The following PHF10 variants were observed in gnomAD, a reference collection of about 807,000 sequenced individuals.
PHF10 encodes BRG1-associated factor 45a.
In PHF10, 51 loss-of-function variants were observed where a neutral mutation model predicts 68.5. That is an observed-to-expected ratio of 0.74 (90% confidence interval 0.59 to 0.94). PHF10 has a LOEUF of 0.94. PHF10 is among the 40% of genes least tolerant of loss of function. PHF10 has a pLI of 0.00. For missense variants in PHF10, 460 were observed against 602.6 expected (o/e 0.76, Z 2.48); for synonymous variants, 204 against 203.5 (o/e 1.00, Z -0.02).
chr6:169,716,112 A>G, intron 4 of PHF10, 24 bp from the exon 5 acceptor site: 1 of 1,502,920 alleles, frequency 6.7e-7, no homozygotes, highest in Non-Finnish European at 9.0e-7. Flanking sequence ...AAAAATAAAA[A>G]AATAAAGAAG....
Position 169,723,898 on chromosome 6 carries a change from A to G in PHF10, c.34T>C (p.Ser12Pro). Residue 12 changes from serine to proline, a missense_variant, in exon 1 of 12, where the codon TCC becomes CCC. Transcript: ENST00000339209. ...GGGTCGCTGTCGCACGGCCGCGGGG[A>G]CAGCGCAGCCCCGGGCCCGGCCGCC... ...AAAAGPGAAL[S>P]PRPCDSDPAT... 1 of 1,078,698 alleles carries G rather than the reference A, an allele frequency of 9.3e-7. No individual in the cohort carries two copies. The highest frequency in any genetic ancestry group is 1.1e-6 in the Non-Finnish European group (1 of 887,708). The allele number at this position is 1,078,698 out of a possible 1,614,324, so 66.8% of individuals were successfully genotyped here. A position where few individuals can be genotyped will look rare whatever the true frequency, so the allele number is the denominator to read the frequency against.
rs148936707 is a variant in PHF10 at position 169,715,591 on chromosome 6, C to A, written c.693+117G>T. ...AAACAAAACAAAACAAACAAACAAA[C>A]AAAAAAAACACACACACATAGGTGG... On this transcript the variant is annotated intron_variant, in intron 6 of 11. Transcript: ENST00000339209. 495 of 909,570 alleles carry A rather than the reference C, an allele frequency of 5.4e-4. 2 individuals carry two copies. The highest frequency in any genetic ancestry group is 5.0e-3 in the African/African-American group (301 of 59,826). The allele number at this position is 909,570 out of a possible 1,614,324, so 56.3% of individuals were successfully genotyped here. A position where few individuals can be genotyped will look rare whatever the true frequency, so the allele number is the denominator to read the frequency against.
At chr6:169,717,323 C>G (rs2128330758) in intron 4 of PHF10, among the ~76,000 whole-genome samples, 1 of 152,298 alleles carries the variant, frequency 6.6e-6, no homozygotes, top group East Asian at 1.9e-4. Flanking sequence ...AATGGGGTTA[C>G]ATATGATAAA....
At chr6:169,712,825 C>A (rs953599990) in intron 7 of PHF10, among the ~76,000 whole-genome samples, 2 of 152,176 alleles carry the variant, frequency 1.3e-5, no homozygotes, top group Non-Finnish European at 2.9e-5. Context: ...ATGTCAGCAG[C>A]CCCAAGTCTG....
rs766656353 is a variant in PHF10, at chr6:169,710,332, A to G, written c.1017T>C (p.Ser339=). 1.3e-5 allele frequency: 21 copies of G among 1,612,300 alleles called. No homozygotes were observed. In the East Asian group the frequency reaches 4.2e-4, roughly 33 times the overall value. Residue 339 remains serine, a synonymous_variant, in exon 9 of 12, where the codon TCT becomes TCC. Transcript: ENST00000339209. The part of the protein sequence containing the change: ...GESPPDSQED[S]FQGRQKSKDK... ...CTTTTGATTTCTGTCTTCCCTGGAA[A>G]GAGTCCTCCTGGCTGTCAGGAGGGC...
rs1180485293 is a variant in PHF10, at chr6:169,717,868, A to G, written c.364T>C (p.Tyr122His). The change falls in exon 4 of 12, where the codon TAC (tyrosine) becomes CAC (histidine). Residue 122 changes from tyrosine to histidine, a missense_variant. Physicochemically the swap from Tyr to His is moderately conservative, Grantham distance 83. Transcript: ENST00000339209. ...RRDLSHKEKLYLRELNVITET... is the reference protein window; with the variant it reads ...RRDLSHKEKLHLRELNVITET... ...GTAATGACATTTAGCTCTCTCAGGT[A>G]GAGTTTCTCCTTGTGAGACAAATCT... 1 of 1,574,528 alleles carries G rather than the reference A, an allele frequency of 6.4e-7. No individual in the cohort carries two copies. The highest frequency in any genetic ancestry group is 1.2e-5 in the South Asian group (1 of 86,822).
Position 169,710,542 on chromosome 6 carries a change from C to T in PHF10, c.958-151G>A, listed in dbSNP as rs184410055. On this transcript the variant is annotated intron_variant, in intron 8 of 11. Coordinates refer to ENST00000339209, the MANE Select transcript of PHF10 (RefSeq NM_018288.4). ...CATTCTAAATGTAAGAAAGCTTTTT[C>T]CAGTGGAGACTAAAGTAAGTTATGT... The T allele has an allele frequency of 5.5e-4, 358 of 647,318 alleles. 1 individual carries two copies. Among genetic ancestry groups the T allele is most frequent in the Middle Eastern group, 3.2e-3 (8 of 2,468 alleles). 40.1% of individuals were successfully genotyped at this position (647,318 alleles called of 1,614,324 possible).
At chr6:169,705,521 ACT>A (rs1195247898) in intron 10 of PHF10, 93 bp downstream of exon 10, 5 of 801,300 alleles carry the variant, frequency 6.2e-6, no homozygotes, top group African/African-American at 5.1e-5. Flanking sequence ...TAATTTGGTG[ACT>A]CTTTGGTTGA....
chr6:169,706,032 G>A (rs1269612645), intron 9 of PHF10, among the ~76,000 whole-genome samples: 1 of 152,126 alleles, frequency 6.6e-6, no homozygotes, highest in African/African-American at 2.4e-5. Flanking sequence ...AATGTCAAAT[G>A]TCACTATTAA....
chr6:169,712,334 CA>C (rs1330198628), intron 8 of PHF10, 51 bp downstream of exon 8: 5 of 1,506,688 alleles, frequency 3.3e-6, no homozygotes, highest in Non-Finnish European at 4.6e-6. Context: ...TTCAATGTAA[CA>C]AAAATTCAAA....
chr6:169,708,124 T>C (rs893735131), intron 9 of PHF10: 8 of 152,198 alleles, frequency 5.3e-5, no homozygotes, highest in East Asian at 1.9e-4. Context: ...AGTATCACTA[T>C]TGACAAGAAA....
At chr6:169,717,749 G>A in intron 4 of PHF10, 74 bp downstream of exon 4, 2 of 628,114 alleles carry the variant, frequency 3.2e-6, no homozygotes, top group East Asian at 3.0e-5. Flanking sequence ...AATATTTTAG[G>A]AAATAAGATA....
intron 9 of PHF10, 23 bp from the exon 10 acceptor site, chr6:169,705,747 T>C (rs926230468): frequency 1.3e-5 from 14 of 1,115,358 alleles, no homozygotes; most frequent in Non-Finnish European, 1.7e-5. Flanking sequence ...AAGAGGGCTA[T>C]AAATTCATGC....
At chr6:169,717,206 G>A (rs1350024779) in intron 4 of PHF10, among the ~76,000 whole-genome samples, 1 of 152,094 alleles carries the variant, frequency 6.6e-6, no homozygotes, top group Non-Finnish European at 1.5e-5. Context: ...CTAAGATCGC[G>A]CCACTGCATG....
At chr6:169,722,295 T>G (rs1248259572) in intron 1 of PHF10, among the ~76,000 whole-genome samples, 1 of 152,230 alleles carries the variant, frequency 6.6e-6, no homozygotes, top group Non-Finnish European at 1.5e-5. Flanking sequence ...TAAAGAGCTT[T>G]GCATAGTCTA....
At chr6:169,708,204 T>G (rs1788849740) in intron 9 of PHF10, 1 of 152,216 alleles carries the variant, frequency 6.6e-6, no homozygotes, top group Non-Finnish European at 1.5e-5. Flanking sequence ...ACTTTTCTAC[T>G]TGAAAAACAG....
intron 7 of PHF10, 93 bp downstream of exon 7, chr6:169,714,640 T>G: frequency 1.4e-6 from 1 of 738,958 alleles, no homozygotes; most frequent in Non-Finnish European, 2.5e-6. Flanking sequence ...CGGTGATATC[T>G]ATAGACCCCA....
chr6:169,717,553 T>C (rs1037684456), intron 4 of PHF10, among the ~76,000 whole-genome samples: 1 of 152,198 alleles, frequency 6.6e-6, no homozygotes, highest in East Asian at 1.9e-4. Flanking sequence ...AATGGTTGTA[T>C]AGACACTTGA....
chr6:169,704,011 C>T lies in PHF10; in HGVS notation c.1489G>A (p.Glu497Lys). Residue 497 changes from glutamate to lysine, a missense_variant, in exon 12 of 12, where the codon GAG (glutamate) becomes AAG (lysine). By Grantham distance (56) the Glu-to-Lys change is moderately conservative. Around this residue, in one of 3 missense-constraint regions of PHF10, gnomAD observed 111 missense variants for 109.7 expected, o/e 1.01. Coordinates refer to ENST00000339209, the MANE Select transcript of PHF10 (RefSeq NM_018288.4). ...TAGAGTCAAAAACTATTTTATCCCT[C>T]TTTGCTGTTTTTCCCCCTTCTGCCC... ...KVGRRGKNSK[E>K]G The T allele has an allele frequency of 6.2e-7, 1 of 1,600,994 alleles. No homozygotes were observed. The highest frequency in any genetic ancestry group is 8.5e-7 in the Non-Finnish European group (1 of 1,175,636).
Sources: gnomAD v4.1 joint callset for allele counts (sites outside exome capture counted in the v4.1 genomes callset) on GRCh38, gnomAD v4.1.1 for gene constraint, gnomAD v4.1.1 regional missense constraint, MANE v1.5 for transcripts, NCBI Gene and HGNC (gene_info 2026-07-23, HGNC 2026-07-21) for gene names.